FBXL17: variants seen among roughly 807,000 people sequenced by gnomAD.
The protein encoded by FBXL17 is F-box and leucine rich repeat protein 17, also known as F-box/LRR-repeat protein 17.
Under a neutral mutation model 66.2 loss-of-function variants are expected in FBXL17, and 22 were observed. The observed-to-expected ratio is 0.33, with a 90% CI of 0.24 to 0.47. The LOEUF is 0.47. FBXL17 is among the 20% of genes least tolerant of loss of function. The pLI is 1.00. For missense variants in FBXL17, 878 were observed against 948.2 expected (o/e 0.93, Z 0.97); for synonymous variants, 474 against 400.5 (o/e 1.18, Z -2.19).
intron 4 of FBXL17, among the ~76,000 whole-genome samples, chr5:108,244,127 G>A (rs1755986018): frequency 6.6e-6 from 1 of 151,896 alleles, no homozygotes; most frequent in Non-Finnish European, 1.5e-5. Flanking sequence ...CATGCCATTT[G>A]TTGTCCTCAC....
chr5:108,291,645 G>A lies in FBXL17; in HGVS notation c.1506+56754C>T, dbSNP rs184294768. 2.6e-5 allele frequency among the ~76,000 whole-genome samples: 4 copies of A among 152,248 alleles called. No individual in the cohort carries two copies. The East Asian group carries it at 5.8e-4, about 22-fold the overall frequency. On this transcript the variant is annotated intron_variant, in intron 4 of 8. Transcript: ENST00000542267. ...GCTAACTTCCAAATTACCATGATCT[G>A]AGTTCCAGATCTCAAGACATCCAAC...
intron 4 of FBXL17, among the ~76,000 whole-genome samples, chr5:108,283,965 T>G (rs1757800119): frequency 6.6e-6 from 1 of 151,892 alleles, no homozygotes; most frequent in Non-Finnish European, 1.5e-5. Flanking sequence ...ATCAGAGAAA[T>G]GCAAAGCAAA....
chr5:108,232,652 C>T (rs1755397095), intron 4 of FBXL17, among the ~76,000 whole-genome samples: 1 of 151,002 alleles, frequency 6.6e-6, no homozygotes, highest in South Asian at 2.1e-4. Context: ...CTGGATGCTA[C>T]CTACCCTCAA....
chr5:107,887,988 T>C (rs1472134354), intron 7 of FBXL17, among the ~76,000 whole-genome samples: 7 of 152,234 alleles, frequency 4.6e-5, no homozygotes, highest in Non-Finnish European at 1.0e-4. Context: ...TCTCAAACGG[T>C]AGTTACTTTG....
chr5:108,023,955 AT>A (rs1241069705), intron 6 of FBXL17, among the ~76,000 whole-genome samples: 1 of 152,202 alleles, frequency 6.6e-6, no homozygotes, highest in Non-Finnish European at 1.5e-5. Context: ...CAGATACTAC[AT>A]AGAAGAACAT....
At chr5:108,218,518 T>C (rs866206947) in intron 5 of FBXL17, among the ~76,000 whole-genome samples, 7 of 152,284 alleles carry the variant, frequency 4.6e-5, no homozygotes, top group Middle Eastern at 3.4e-3. Flanking sequence ...TGTTCTACAA[T>C]GGCTATACTA....
chr5:108,368,709 T>C (rs925313443), intron 1 of FBXL17, among the ~76,000 whole-genome samples: 5 of 152,240 alleles, frequency 3.3e-5, no homozygotes, highest in Admixed American at 6.5e-5. Context: ...GTTTAACTAA[T>C]AGTAATGTAC....
chr5:108,098,573 G>A (rs1005204199), intron 6 of FBXL17, among the ~76,000 whole-genome samples: 2 of 151,714 alleles, frequency 1.3e-5, no homozygotes, highest in African/African-American at 2.4e-5. Context: ...GTCAAACCCC[G>A]TCTCTACTAA....
intron 6 of FBXL17, among the ~76,000 whole-genome samples, chr5:108,109,135 G>A (rs1749932605): frequency 6.6e-6 from 1 of 152,094 alleles, no homozygotes; most frequent in Non-Finnish European, 1.5e-5. Context: ...GAACAGTAAG[G>A]GAAATACCTG....
chr5:107,995,697 C>G lies in FBXL17; in HGVS notation c.1822+25228G>C, dbSNP rs140018282. On this transcript the variant is annotated intron_variant, in intron 7 of 8. Coordinates refer to ENST00000542267, the MANE Select transcript of FBXL17 (RefSeq NM_001163315.3). ...ATTTATGCTTAGAAATTCAAGTAAT[C>G]TGGCCTCATTTAATGATGTTATGAA... Among the ~76,000 whole-genome samples the G allele has an allele frequency of 6.4e-3, 970 of 151,972 alleles. 10 individuals are homozygous for G. Among genetic ancestry groups the G allele is most frequent in the African/African-American group, 0.021 (880 of 41,468 alleles).
rs1554080841 is a variant in FBXL17 at position 107,871,069 on chromosome 5, A to ACAAAAAAAAAC, written c.1966-9210_1966-9209insGTTTTTTTTTG. ...TACTCTTGGGCGGCAAAAAAAAAAA[A>ACAAAAAAAAAC]AAAAAAAAAACCTCATCTAAAAATC... On this transcript the variant is annotated intron_variant, in intron 8 of 8. Transcript: ENST00000542267. Among the ~76,000 whole-genome samples the ACAAAAAAAAAC allele has an allele frequency of 3.3e-3, 435 of 130,236 alleles. 23 individuals carry two copies. The highest frequency in any genetic ancestry group is 0.013 in the African/African-American group (406 of 31,140). The allele number at this position is 130,236 out of a possible 152,430, so 85.4% of individuals were successfully genotyped here.
chr5:108,121,170 A>C (rs1328263881), intron 6 of FBXL17, among the ~76,000 whole-genome samples: 1 of 152,056 alleles, frequency 6.6e-6, no homozygotes, highest in Non-Finnish European at 1.5e-5. Context: ...TCTATTGAAA[A>C]TACAAAAATT....
chr5:107,968,163 G>A (rs747721367), intron 7 of FBXL17, among the ~76,000 whole-genome samples: 5 of 152,082 alleles, frequency 3.3e-5, no homozygotes, highest in South Asian at 2.1e-4. Flanking sequence ...AGAAAACAAT[G>A]CTCTCAGGTG....
At chr5:108,335,673 TGAA>T (rs1760344704) in intron 4 of FBXL17, among the ~76,000 whole-genome samples, 1 of 152,142 alleles carries the variant, frequency 6.6e-6, no homozygotes, top group African/African-American at 2.4e-5. Flanking sequence ...TTACCACTAT[TGAA>T]GATCAGATGT....
chr5:108,158,581 T>G, intron 6 of FBXL17, among the ~76,000 whole-genome samples: 1 of 148,834 alleles, frequency 6.7e-6, no homozygotes, highest in African/African-American at 2.5e-5. Flanking sequence ...TGAGGGGAGG[T>G]AGAGGCTGAC....
At position 108,351,740 on chromosome 5, in the gene FBXL17, A is replaced by G. The variant is rs1023510218; in HGVS notation, c.1375-3210T>C. 2.6e-5 allele frequency among the ~76,000 whole-genome samples: 4 copies of G among 152,334 alleles called. No individual in the cohort carries two copies. The East Asian group carries it at 5.8e-4, about 22-fold the overall frequency. ...TTATCAATTTGATAACATCCTGAGC[A>G]GTGAATAGGAGGCCCCATGAGACCT... On this transcript the variant is annotated intron_variant, in intron 3 of 8. Coordinates refer to ENST00000542267, the MANE Select transcript of FBXL17 (RefSeq NM_001163315.3).
At chr5:107,883,091 C>T (rs1333012370) in intron 7 of FBXL17, among the ~76,000 whole-genome samples, 4 of 152,156 alleles carry the variant, frequency 2.6e-5, no homozygotes, top group Non-Finnish European at 4.4e-5. Flanking sequence ...ATTTAATAAG[C>T]ACCTCGTGAG....
At chr5:108,013,104 ATT>A (rs1580327713) in intron 7 of FBXL17, among the ~76,000 whole-genome samples, 1 of 151,398 alleles carries the variant, frequency 6.6e-6, no homozygotes, top group Admixed American at 6.6e-5. Flanking sequence ...CATCCAATAC[ATT>A]TTATCTATTT....
chr5:108,292,139 T>C (rs1758138252), intron 4 of FBXL17, among the ~76,000 whole-genome samples: 1 of 151,776 alleles, frequency 6.6e-6, no homozygotes, highest in Non-Finnish European at 1.5e-5. Flanking sequence ...TTTTTTTTTT[T>C]GGAGACAGTT....
Sources: gnomAD v4.1 joint callset for allele counts (sites outside exome capture counted in the v4.1 genomes callset) on GRCh38, gnomAD v4.1.1 for gene constraint, MANE v1.5 for transcripts, NCBI Gene and HGNC (gene_info 2026-07-23, HGNC 2026-07-21) for gene names.